The following CFAP61 variants were observed in gnomAD, a reference collection of about 807,000 sequenced individuals.
CFAP61 encodes the protein cilia- and flagella-associated protein 61.
A neutral mutation model predicts 135.6 loss-of-function variants in CFAP61; 107 were observed. The observed-to-expected ratio is 0.79, with a 90% CI of 0.67 to 0.93. CFAP61 has a LOEUF of 0.93. Ranked by LOEUF, CFAP61 falls within the 40% of genes least tolerant of loss-of-function variation. The probability of loss-of-function intolerance (pLI) is 0.00; values close to 1 mark genes in which losing one functional copy is unlikely to be tolerated. For synonymous variants in CFAP61, 575 were observed against 578.5 expected (o/e 0.99, Z 0.09); for missense variants, 1,507 against 1,556.2 (o/e 0.97, Z 0.53).
chr20:20,248,017 A>G (rs1946815980), intron 19 of CFAP61, among the ~76,000 whole-genome samples: 1 of 152,176 alleles, frequency 6.6e-6, no homozygotes, highest in African/African-American at 2.4e-5. Context: ...TCCTTCAACT[A>G]TAATATAAAC....
chr20:20,239,855 G>A (rs1172345737), intron 18 of CFAP61, among the ~76,000 whole-genome samples: 2 of 152,206 alleles, frequency 1.3e-5, no homozygotes, highest in Admixed American at 6.5e-5. Flanking sequence ...GCAGAAGAGA[G>A]AGACTCAAGC....
intron 25 of CFAP61, among the ~76,000 whole-genome samples, chr20:20,299,408 A>G (rs1366494218): frequency 6.6e-5 from 10 of 152,218 alleles, no homozygotes; most frequent in Admixed American, 6.5e-4. Context: ...AGGGGCAGAT[A>G]TAGCCTCAGT....
At chr20:20,076,812 T>A (rs974203) in intron 6 of CFAP61, among the ~76,000 whole-genome samples, 15,545 of 152,148 alleles carry the variant, frequency 0.1, 2,670 homozygotes, top group African/African-American at 0.35. Flanking sequence ...ATCGGATAGA[T>A]CTGGATTCTG....
At chr20:20,284,576 C>T (rs923783981) in intron 22 of CFAP61, among the ~76,000 whole-genome samples, 17 of 152,150 alleles carry the variant, frequency 1.1e-4, no homozygotes, top group African/African-American at 2.9e-4. Context: ...TGAGCCACCG[C>T]GCCCGGCCTT....
chr20:20,154,336 G>C (rs569445387), intron 9 of CFAP61, among the ~76,000 whole-genome samples: 2 of 152,020 alleles, frequency 1.3e-5, no homozygotes, highest in South Asian at 4.2e-4. Flanking sequence ...ATTCAACATA[G>C]TACTTAATGT....
At chr20:20,172,144 G>A (rs1387843177) in intron 13 of CFAP61, 21 of 869,644 alleles carry the variant, frequency 2.4e-5, no homozygotes, top group Non-Finnish European at 2.9e-5. Flanking sequence ...AGGATACTAT[G>A]GGAACATTAT....
chr20:20,272,733 G>A (rs2053455284), intron 21 of CFAP61, among the ~76,000 whole-genome samples: 1 of 152,120 alleles, frequency 6.6e-6, no homozygotes. Context: ...CTCTTACCCA[G>A]GGATTCAGGA....
At chr20:20,081,471 A>T (rs1281652306) in intron 6 of CFAP61, among the ~76,000 whole-genome samples, 14 of 152,186 alleles carry the variant, frequency 9.2e-5, no homozygotes, top group Admixed American at 9.2e-4. Flanking sequence ...AAAATTCCCT[A>T]TTCCTTTCAC....
chr20:20,289,834 A>G (rs1196010234), intron 23 of CFAP61, among the ~76,000 whole-genome samples: 3 of 152,256 alleles, frequency 2.0e-5, no homozygotes, highest in Non-Finnish European at 4.4e-5. Context: ...AAACCAAAAT[A>G]TTAAGAATTC....
intron 8 of CFAP61, among the ~76,000 whole-genome samples, chr20:20,128,388 G>A (rs117236532): frequency 0.021 from 3,254 of 151,520 alleles, 55 homozygotes; most frequent in Middle Eastern, 0.065. Context: ...CCTATATTTC[G>A]CTCAGCTCTC....
chr20:20,341,748 A>G, intron 25 of CFAP61, 83 bp from the exon 26 acceptor site: 1 of 979,146 alleles, frequency 1.0e-6, no homozygotes. Context: ...ACTGTAATTT[A>G]TAAAGGCAAA....
At chr20:20,129,343 A>C (rs1183134622) in intron 8 of CFAP61, among the ~76,000 whole-genome samples, 1 of 151,822 alleles carries the variant, frequency 6.6e-6, no homozygotes, top group Non-Finnish European at 1.5e-5. Context: ...TGGATACAGT[A>C]TTCTCCAAAG....
chr20:20,209,497 G>C (rs192327215), intron 17 of CFAP61, among the ~76,000 whole-genome samples: 1 of 152,168 alleles, frequency 6.6e-6, no homozygotes, highest in Non-Finnish European at 1.5e-5. Context: ...AACATACAGA[G>C]TACAGAGATA....
chr20:20,360,173 T>G lies in CFAP61; in HGVS notation c.3514-37T>G, dbSNP rs201070074. ...GCCGTTACAACTGTGCAGGGTCCAATTAATTTCTGTATCTGGCCTCTTACT... is the reference window on the plus strand; with the variant it reads ...GCCGTTACAACTGTGCAGGGTCCAAGTAATTTCTGTATCTGGCCTCTTACT... On this transcript the variant is annotated intron_variant, in intron 26 of 26. Coordinates refer to ENST00000245957, the MANE Select transcript of CFAP61 (RefSeq NM_015585.4). The G allele has an allele frequency of 1.9e-4, 293 of 1,516,446 alleles. 1 individual carries two copies. In the East Asian group the frequency reaches 5.9e-3, roughly 30 times the overall value. The allele number at this position is 1,516,446 out of a possible 1,614,324, so 93.9% of individuals were successfully genotyped here.
intron 6 of CFAP61, among the ~76,000 whole-genome samples, chr20:20,079,218 C>T (rs1255857416): frequency 6.6e-6 from 1 of 152,120 alleles, no homozygotes; most frequent in Non-Finnish European, 1.5e-5. Context: ...CTCTGCCTTC[C>T]TCAGGACCTA....
chr20:20,211,229 G>C (rs2047609511), intron 17 of CFAP61, among the ~76,000 whole-genome samples: 1 of 152,190 alleles, frequency 6.6e-6, no homozygotes, highest in African/African-American at 2.4e-5. Flanking sequence ...TGGTTAGCCG[G>C]GGGCGCGGTC....
Position 20,225,633 on chromosome 20 carries a change from A to G in CFAP61, c.1933-2616A>G, listed in dbSNP as rs147879033. ...GAATTTCATTACTGCCCATGTTTCA[A>G]TGTTAGCTTACACTTCCAACAGCAG... is the stretch of plus-strand genomic sequence containing the variant. On this transcript the variant is annotated intron_variant, in intron 17 of 26. Transcript: ENST00000245957. The G allele has an allele frequency of 2.0e-5, 3 of 152,322 alleles. No individual in the cohort carries two copies. The East Asian group carries it at 5.8e-4, about 29-fold the overall frequency. 9.4% of individuals were successfully genotyped at this position (152,322 alleles called of 1,614,324 possible). A position where few individuals can be genotyped will look rare whatever the true frequency, so the allele number is the denominator to read the frequency against.
At chr20:20,119,522 G>A (rs2049444435) in intron 8 of CFAP61, among the ~76,000 whole-genome samples, 1 of 151,906 alleles carries the variant, frequency 6.6e-6, no homozygotes, top group Non-Finnish European at 1.5e-5. Context: ...TCTAGCTAAA[G>A]GTTTGTCTAT....
chr20:20,053,851 G>T (rs6046575), intron 1 of CFAP61, among the ~76,000 whole-genome samples: 2 of 152,106 alleles, frequency 1.3e-5, no homozygotes, highest in East Asian at 3.9e-4. Context: ...ATGTGTTACT[G>T]TAAACAATTG....
Sources: gnomAD v4.1 joint callset for allele counts (sites outside exome capture counted in the v4.1 genomes callset) on GRCh38, gnomAD v4.1.1 for gene constraint, MANE v1.5 for transcripts, NCBI Gene and HGNC (gene_info 2026-07-23, HGNC 2026-07-21) for gene names.